The following CCDC39 variants were observed in gnomAD, a reference collection of about 807,000 sequenced individuals.
CCDC39 encodes the protein coiled-coil domain-containing protein 39.
A neutral mutation model predicts 121.0 loss-of-function variants in CCDC39; 113 were observed. The observed-to-expected ratio is 0.93, with a 90% CI of 0.80 to 1.09. CCDC39 has a LOEUF of 1.09. Ranked by LOEUF, CCDC39 falls within the 50% of genes least tolerant of loss-of-function variation. The pLI, the probability that CCDC39 is intolerant of heterozygous loss-of-function variation, is 0.00. For synonymous variants in CCDC39, 349 were observed against 352.2 expected, an observed-to-expected ratio of 0.99 and a Z score of 0.10; for missense variants, 1,063 against 1,074.7, an observed-to-expected ratio of 0.99 and a Z score of 0.15.
chr3:180,639,144 A>G lies in CCDC39; in HGVS notation c.1874+2849T>C, dbSNP rs370657717. Among the ~76,000 whole-genome samples the G allele has an allele frequency of 3.9e-5, 6 of 152,154 alleles. No individual in the cohort carries two copies. The East Asian group carries it at 5.8e-4, about 15-fold the overall frequency. On this transcript the variant is annotated intron_variant, in intron 13 of 19. Coordinates refer to ENST00000476379, the MANE Select transcript of CCDC39 (RefSeq NM_181426.2). ...AAGAGAAAGCCAGGGTCAGTAAACCATCCTGCCTGCCACCTGTTTTTAGAT... is the reference window on the plus strand; with the variant it reads ...AAGAGAAAGCCAGGGTCAGTAAACCGTCCTGCCTGCCACCTGTTTTTAGAT...
chr3:180,652,204 AT>A lies in CCDC39; in HGVS notation c.992del (p.Asn331IlefsTer5). On this transcript the variant is annotated frameshift_variant, in exon 8 of 20. Transcript: ENST00000476379. LOFTEE classifies it high-confidence loss of function. ...TSSDLEALRK[N>X]ISKIKKDIHE... ...GAATGTCCTTCTTTATCTTGGAAAT[AT>A]TTTTCCTCAGAGCTTCTAAATCACT... 1.3e-6 allele frequency: 2 copies of A among 1,535,538 alleles called. No homozygotes were observed. The highest frequency in any genetic ancestry group is 2.0e-5 in the Admixed American group (1 of 49,074).
At chr3:180,674,340 C>A (rs1712132117) in intron 1 of CCDC39, among the ~76,000 whole-genome samples, 1 of 152,138 alleles carries the variant, frequency 6.6e-6, no homozygotes, top group South Asian at 2.1e-4. Context: ...TATCCTGAGA[C>A]TTTGCTGAAG....
chr3:180,620,613 A>G (rs957965014), intron 14 of CCDC39, among the ~76,000 whole-genome samples: 3 of 151,992 alleles, frequency 2.0e-5, no homozygotes, highest in Admixed American at 1.3e-4. Context: ...CTAAAGGCTG[A>G]CATAGATAGT....
In CCDC39 at chr3:180,660,715, T is replaced by C; in HGVS notation, c.371A>G (p.Lys124Arg). Residue 124 changes from lysine to arginine, a missense_variant, in exon 4 of 20, where the codon AAA (lysine) becomes AGA (arginine). Physicochemically the swap from Lys to Arg is conservative, Grantham distance 26. Transcript: ENST00000476379. ...CAAACCATCCAATTTTTGAGTGGCT[T>C]TAAATATGCCATTCTAATTTCCAAA... ...KKSDKENGIF[K>R]ATQKLDGLKC... 1 of 1,600,920 alleles carries C rather than the reference T, an allele frequency of 6.2e-7. No individual in the cohort carries two copies. The highest frequency in any genetic ancestry group is 8.5e-7 in the Non-Finnish European group (1 of 1,172,750).
intron 1 of CCDC39, among the ~76,000 whole-genome samples, chr3:180,664,896 A>G (rs1208105630): frequency 1.3e-5 from 2 of 150,718 alleles, no homozygotes; most frequent in Non-Finnish European, 3.0e-5. Context: ...TTAGTAGAGA[A>G]GGTGTTTCAC....
rs1376540969 is a variant in CCDC39, at chr3:180,663,856, A to C, written c.210+11T>G. ...ACACGATATAATCAACATAAATTTC[A>C]GTTACTGTACCTGTGTAATTGAGAG... On this transcript the variant is annotated intron_variant, in intron 2 of 19. Transcript: ENST00000476379. 6.2e-7 allele frequency: 1 copy of C among 1,610,834 alleles called. No homozygotes were observed. The highest frequency in any genetic ancestry group is 1.1e-5 in the South Asian group (1 of 90,778).
intron 7 of CCDC39, among the ~76,000 whole-genome samples, chr3:180,654,458 A>G (rs1711536481): frequency 6.6e-6 from 1 of 151,726 alleles, no homozygotes; most frequent in South Asian, 2.1e-4. Context: ...ACATCAAACT[A>G]AAAACTTTCT....
intron 7 of CCDC39, among the ~76,000 whole-genome samples, chr3:180,652,838 C>T (rs142035751): frequency 2.6e-5 from 4 of 152,152 alleles, no homozygotes; most frequent in Non-Finnish European, 5.9e-5. Flanking sequence ...ATATACAAAA[C>T]CAGTTACATT....
At chr3:180,678,899 C>A (rs1205459916) in intron 1 of CCDC39, among the ~76,000 whole-genome samples, 1 of 151,966 alleles carries the variant, frequency 6.6e-6, no homozygotes, top group Non-Finnish European at 1.5e-5. Context: ...TATAAACGTG[C>A]GCAAATAACC....
At chr3:180,658,108 G>A (rs1202815192) in intron 6 of CCDC39, among the ~76,000 whole-genome samples, 15 of 151,802 alleles carry the variant, frequency 9.9e-5, no homozygotes, top group African/African-American at 2.9e-4. Context: ...GCGTGGTGGC[G>A]GGAGCCTGTA....
intron 14 of CCDC39, among the ~76,000 whole-genome samples, chr3:180,621,811 T>C (rs2108407611): frequency 6.6e-6 from 1 of 152,208 alleles, no homozygotes; most frequent in African/African-American, 2.4e-5. Context: ...ACCAGTACCA[T>C]TGATGTTTTG....
At position 180,660,606 on chromosome 3, in the gene CCDC39, G is replaced by T; in HGVS notation, c.480C>A (p.Leu160=). The T allele has an allele frequency of 1.3e-6, 2 of 1,599,668 alleles. No homozygotes were observed. The highest frequency in any genetic ancestry group is 1.7e-6 in the Non-Finnish European group (2 of 1,171,668). Residue 160 remains leucine (L), a synonymous_variant, in exon 4 of 20, where the codon CTC becomes CTA. Coordinates refer to ENST00000476379, the MANE Select transcript of CCDC39 (RefSeq NM_181426.2). The part of the protein sequence containing the change: ...SAHKDSDALT[L]QKYAQQDDNK... The stretch of plus-strand genomic sequence containing the variant: ...TATCATCTTGTTGTGCATACTTCTG[G>T]AGAGTGAGAGCATCACTATCTTTAT...
intron 16 of CCDC39, 63 bp downstream of exon 16, chr3:180,619,196 G>A (rs1717354389): frequency 6.5e-6 from 5 of 764,830 alleles, no homozygotes; most frequent in Admixed American, 6.2e-5. Context: ...GAGAATAGAA[G>A]TAGCAGTAAT....
In CCDC39 at chr3:180,651,387, A is replaced by G; in HGVS notation, c.1167+14T>C. 1 of 1,547,176 alleles carries G rather than the reference A, an allele frequency of 6.5e-7. No individual in the cohort carries two copies. The highest frequency in any genetic ancestry group is 8.7e-7 in the Non-Finnish European group (1 of 1,144,196). On this transcript the variant is annotated intron_variant, in intron 9 of 19. Transcript: ENST00000476379. ...TTTTCTGTGATTTAAAGAAAAATTA[A>G]AACTAAACTTTACCTTCACATCTTT...
intron 9 of CCDC39, among the ~76,000 whole-genome samples, 184 bp from the exon 10 acceptor site, chr3:180,648,543 G>A (rs1194634537): frequency 2.6e-5 from 4 of 152,128 alleles, no homozygotes. Flanking sequence ...TTCTATTCTA[G>A]TAGACTAGGG....
chr3:180,665,830 T>A (rs1285752048), intron 1 of CCDC39, among the ~76,000 whole-genome samples: 3 of 151,824 alleles, frequency 2.0e-5, no homozygotes, highest in East Asian at 3.9e-4. Flanking sequence ...GGATCATTTT[T>A]AATTATTTAA....
intron 11 of CCDC39, among the ~76,000 whole-genome samples, chr3:180,646,262 A>C (rs1460643160): frequency 6.6e-6 from 1 of 151,946 alleles, no homozygotes; most frequent in Non-Finnish European, 1.5e-5. Context: ...TCCAAACCAA[A>C]ATTTTGTCTT....
chr3:180,619,275 A>G lies in CCDC39; in HGVS notation c.2249T>C (p.Leu750Pro). 1 of 1,531,932 alleles carries G rather than the reference A, an allele frequency of 6.5e-7. No homozygotes were observed. Among genetic ancestry groups the G allele is most frequent in the Non-Finnish European group, 8.9e-7 (1 of 1,129,522 alleles). 94.9% of individuals were successfully genotyped at this position (1,531,932 alleles called of 1,614,324 possible). Residue 750 changes from leucine (L) to proline (P), a missense_variant, in exon 16 of 20, where the codon CTT becomes CCT. Physicochemically the swap from Leu to Pro is moderately conservative, Grantham distance 98 (BLOSUM62 -3). Transcript: ENST00000476379. ...AGAATTTACCTGGATGTCTTCTTGA[A>G]GTTCTCTGATTTGTCTTTGTTTGTA... ...YRYKQRQIRE[L>P]QEDIQSMENT...
chr3:180,654,763 T>C lies in CCDC39; in HGVS notation c.929A>G (p.Glu310Gly), dbSNP rs756601004. The change falls in exon 7 of 20, where the codon GAG becomes GGG. Residue 310 changes from glutamate (E) to glycine (G), a missense_variant and splice_region_variant. Physicochemically the swap from Glu to Gly is moderately conservative, Grantham distance 98. Coordinates refer to ENST00000476379, the MANE Select transcript of CCDC39 (RefSeq NM_181426.2). Reference protein sequence around the residue: ...HETSRIQLKGELDSLKATVNR... With the variant: ...HETSRIQLKGGLDSLKATVNR... ...CCAGTCTTTTTTGAGTTGACATACC[T>C]CACCCTTCAGCTGAATTCTACTAGT... The C allele has an allele frequency of 1.3e-5, 21 of 1,602,256 alleles. No individual in the cohort carries two copies. Among genetic ancestry groups the C allele is most frequent in the Non-Finnish European group, 1.8e-5 (21 of 1,173,828 alleles).
Sources: allele counts gnomAD v4.1 joint callset (sites outside exome capture counted in the v4.1 genomes callset), GRCh38; gene constraint gnomAD v4.1.1; transcripts MANE v1.5; gene names NCBI Gene and HGNC (gene_info 2026-07-23, HGNC 2026-07-21).